The following CALN1 variants were observed in gnomAD, a reference collection of about 807,000 sequenced individuals.
The protein encoded by CALN1 is calcium-binding protein 8.
A neutral mutation model predicts 30.6 loss-of-function variants in CALN1; 17 were observed. The ratio of observed to expected loss-of-function variants is 0.56; its 90% CI spans 0.38 to 0.83. The LOEUF (loss-of-function observed/expected upper bound fraction) is 0.83, where lower values mean the gene tolerates loss of function less well. Among genes scored for constraint, CALN1 ranks in the 40% least tolerant of loss-of-function variants. The probability of loss-of-function intolerance (pLI) is 0.00; values close to 1 mark genes in which losing one functional copy is unlikely to be tolerated. For synonymous variants in CALN1, 156 were observed against 131.4 expected (o/e 1.19, Z -1.28); for missense variants, 291 against 354.9 (o/e 0.82, Z 1.45).
intron 5 of CALN1, among the ~76,000 whole-genome samples, chr7:71,834,598 T>G (rs1789501375): frequency 6.6e-6 from 1 of 152,142 alleles, no homozygotes; most frequent in African/African-American, 2.4e-5. Context: ...TATTATGATT[T>G]TTTTCTTAGA....
At chr7:71,877,265 T>C (rs1411193150) in intron 5 of CALN1, among the ~76,000 whole-genome samples, 3 of 152,176 alleles carry the variant, frequency 2.0e-5, no homozygotes, top group African/African-American at 4.8e-5. Context: ...ATTCTAAATG[T>C]TGAAAAAGTA....
intron 3 of CALN1, among the ~76,000 whole-genome samples, chr7:72,163,968 AGAAAG>A (rs1788327790): frequency 6.6e-6 from 1 of 152,174 alleles, no homozygotes; most frequent in Admixed American, 6.5e-5. Context: ...AAAAATGTAA[AGAAAG>A]GAGATAAAAG....
intron 3 of CALN1, among the ~76,000 whole-genome samples, chr7:72,189,594 G>C (rs901948452): frequency 5.9e-5 from 9 of 151,888 alleles, no homozygotes; most frequent in Non-Finnish European, 1.2e-4. Context: ...CCATTGTGGT[G>C]AAACTCCGTC....
intron 5 of CALN1, among the ~76,000 whole-genome samples, chr7:71,810,964 C>T (rs187765928): frequency 3.3e-5 from 5 of 149,774 alleles, no homozygotes; most frequent in African/African-American, 4.9e-5. Context: ...GGCGAGATCT[C>T]GGCTCACTGC....
intron 1 of CALN1, among the ~76,000 whole-genome samples, chr7:72,443,936 T>G (rs1585736583): frequency 7.7e-6 from 1 of 130,658 alleles, no homozygotes; most frequent in Non-Finnish European, 1.7e-5. Context: ...CTCCGGGAGG[T>G]GGAGGATGCA....
chr7:71,781,150 T>A lies in CALN1; in HGVS notation c.*6625A>T, dbSNP rs528980100. ...TCAGTAGGGAGCATTCACTCCATCT[T>A]GTTTCAGACAAAATAGATGGGAGGG... On this transcript the variant is annotated 3_prime_UTR_variant, in exon 7 of 7. Transcript: ENST00000395275. 6.6e-6 allele frequency: 1 copy of A among 152,336 alleles called. No individual in the cohort carries two copies. The highest frequency in any genetic ancestry group is 6.5e-5 in the Admixed American group (1 of 15,302). The allele number at this position is 152,336 out of a possible 1,614,324, so 9.4% of individuals were successfully genotyped here.
chr7:72,377,734 C>T (rs1419864428), intron 2 of CALN1, among the ~76,000 whole-genome samples: 2 of 151,936 alleles, frequency 1.3e-5, no homozygotes, highest in African/African-American at 2.4e-5. Flanking sequence ...CTTATGAAAC[C>T]CCAAATTTCC....
At chr7:72,398,684 A>T (rs1024079684) in intron 2 of CALN1, among the ~76,000 whole-genome samples, 9 of 152,202 alleles carry the variant, frequency 5.9e-5, no homozygotes, top group African/African-American at 1.9e-4. Flanking sequence ...TCTGGACAAG[A>T]AGTAAAGAAG....
chr7:72,230,007 G>A (rs1366067965), intron 3 of CALN1, among the ~76,000 whole-genome samples: 1 of 151,104 alleles, frequency 6.6e-6, no homozygotes, highest in Non-Finnish European at 1.5e-5. Context: ...TGGGCGTGGT[G>A]GTGGGCGCCT....
At chr7:71,949,068 A>G (rs1562928654) in intron 5 of CALN1, among the ~76,000 whole-genome samples, 1 of 151,114 alleles carries the variant, frequency 6.6e-6, no homozygotes, top group Non-Finnish European at 1.5e-5. Context: ...AAAAAAAAAA[A>G]AAAAGAATTT....
At chr7:72,239,534 T>C (rs1388880351) in intron 3 of CALN1, among the ~76,000 whole-genome samples, 3 of 152,188 alleles carry the variant, frequency 2.0e-5, no homozygotes, top group Non-Finnish European at 4.4e-5. Context: ...AATATCAACA[T>C]ATAATAAAAG....
chr7:72,053,113 C>T (rs1802944742), intron 4 of CALN1, among the ~76,000 whole-genome samples: 1 of 152,154 alleles, frequency 6.6e-6, no homozygotes, highest in Admixed American at 6.5e-5. Flanking sequence ...GCCTGTAATC[C>T]CAGCTACTCG....
At chr7:72,209,314 TTCCC>T (rs1308584388) in intron 3 of CALN1, among the ~76,000 whole-genome samples, 47 of 78,328 alleles carry the variant, frequency 6.0e-4, no homozygotes, top group Middle Eastern at 6.0e-3. Context: ...CCTTCCCTCC[TTCCC>T]TCCTTCCCTC....
chr7:71,823,145 GA>G (rs1450786036), intron 5 of CALN1, among the ~76,000 whole-genome samples: 2 of 151,396 alleles, frequency 1.3e-5, no homozygotes, highest in African/African-American at 4.9e-5. Flanking sequence ...CAAAGTTGTT[GA>G]AGCTTCTCCA....
chr7:72,168,461 C>G (rs1277618234), intron 3 of CALN1, among the ~76,000 whole-genome samples: 1 of 152,150 alleles, frequency 6.6e-6, no homozygotes, highest in Non-Finnish European at 1.5e-5. Context: ...GAATCTACAG[C>G]TCAGGGCTTT....
chr7:71,897,957 G>GAAA (rs1793613843), intron 5 of CALN1, among the ~76,000 whole-genome samples: 3 of 33,036 alleles, frequency 9.1e-5, no homozygotes, highest in Non-Finnish European at 1.3e-4. Flanking sequence ...AGTAGTGTTG[G>GAAA]AAAAAAACAA....
intron 5 of CALN1, among the ~76,000 whole-genome samples, chr7:71,867,346 C>T (rs1791646845): frequency 1.3e-5 from 2 of 152,124 alleles, no homozygotes; most frequent in Non-Finnish European, 1.5e-5. Flanking sequence ...ATGACAGGAA[C>T]ATCAACCCAC....
chr7:72,015,649 G>A (rs1281441747), intron 5 of CALN1, among the ~76,000 whole-genome samples: 1 of 152,018 alleles, frequency 6.6e-6, no homozygotes, highest in Non-Finnish European at 1.5e-5. Flanking sequence ...TTGCTATGTT[G>A]CCCATACTGG....
intron 3 of CALN1, among the ~76,000 whole-genome samples, chr7:72,107,493 C>A (rs151320235): frequency 6.6e-6 from 1 of 152,356 alleles, no homozygotes; most frequent in Non-Finnish European, 1.5e-5. Context: ...TTTCACTTGG[C>A]AGGCAATCTC....
Sources: allele counts gnomAD v4.1 joint callset (sites outside exome capture counted in the v4.1 genomes callset), GRCh38; gene constraint gnomAD v4.1.1; transcripts MANE v1.5; gene names NCBI Gene and HGNC (gene_info 2026-07-23, HGNC 2026-07-21).